ADRA1B: variants seen among roughly 807,000 people sequenced by gnomAD.
ADRA1B encodes the protein adrenoceptor alpha 1B.
In ADRA1B, 17 loss-of-function variants were observed where a neutral mutation model predicts 17.9. The ratio of observed to expected loss-of-function variants is 0.95; its 90% CI spans 0.65 to 1.42. ADRA1B has a LOEUF of 1.42. ADRA1B is among the 40% of genes most tolerant of loss of function. The pLI, the probability that ADRA1B is intolerant of heterozygous loss-of-function variation, is 0.00. For synonymous variants in ADRA1B, 366 were observed against 327.6 expected, an observed-to-expected ratio of 1.12 and a Z score of -1.27; for missense variants, 681 against 722.1, an observed-to-expected ratio of 0.94 and a Z score of 0.65.
At chr5:159,989,013 T>C in the ADRA1B span, among the ~76,000 whole-genome samples, 1 of 152,244 alleles carries the variant, frequency 6.6e-6, no homozygotes, top group African/African-American at 2.4e-5. Context: ...TTCAATTCTT[T>C]TGGATATATG....
chr5:159,971,836 A>T, intron 1 of ADRA1B, 43 bp from the exon 2 acceptor site: 1 of 1,307,158 alleles, frequency 7.7e-7, no homozygotes, highest in Non-Finnish European at 9.8e-7. Flanking sequence ...CTACTCACAA[A>T]TTGCTGTCTT....
the ADRA1B span, among the ~76,000 whole-genome samples, chr5:159,982,680 C>T: frequency 6.6e-6 from 1 of 152,136 alleles, no homozygotes; most frequent in African/African-American, 2.4e-5. Context: ...ACCTCTCATC[C>T]TCCTGCTCCT....
rs568709314 is a variant in ADRA1B, at chr5:159,951,515, A to G, written c.950-20364A>G. On this transcript the variant is annotated intron_variant, in intron 1 of 1. Coordinates refer to ENST00000306675, the MANE Select transcript of ADRA1B (RefSeq NM_000679.4). Reference sequence around the variant, plus strand: ...CTTCACCACGGTGTCTTGGGGATGCAGCTGGCAATGCACGAGAAGATGCAG... The same window carrying G: ...CTTCACCACGGTGTCTTGGGGATGCGGCTGGCAATGCACGAGAAGATGCAG... The G allele has an allele frequency of 8.0e-5, 53 of 659,330 alleles. No individual in the cohort carries two copies. The East Asian group carries it at 1.4e-3, about 18-fold the overall frequency. The allele number at this position is 659,330 out of a possible 1,614,324, so 40.8% of individuals were successfully genotyped here.
At chr5:159,886,363 T>G (rs1188978080) in intron 1 of ADRA1B, among the ~76,000 whole-genome samples, 1 of 152,174 alleles carries the variant, frequency 6.6e-6, no homozygotes, top group Non-Finnish European at 1.5e-5. Context: ...GAGAGACATG[T>G]GAATCTCCTG....
chr5:159,907,505 G>A (rs372242445), intron 1 of ADRA1B, among the ~76,000 whole-genome samples: 3 of 149,874 alleles, frequency 2.0e-5, no homozygotes, highest in Non-Finnish European at 4.4e-5. Context: ...ATTTATGTCA[G>A]AAAAAAAAAA....
At chr5:159,870,474 A>C (rs1380734303) in intron 1 of ADRA1B, 1 of 152,210 alleles carries the variant, frequency 6.6e-6, no homozygotes. Flanking sequence ...CCAACCATTC[A>C]TTCAATGATC....
At chr5:159,899,287 G>GGA (rs1754073804) in intron 1 of ADRA1B, among the ~76,000 whole-genome samples, 1 of 76,396 alleles carries the variant, frequency 1.3e-5, no homozygotes, top group Non-Finnish European at 3.4e-5. Flanking sequence ...AGGAAGGAAG[G>GGA]AAGGAAGGAA....
chr5:159,928,004 ATGAG>A (rs1754708350), intron 1 of ADRA1B, among the ~76,000 whole-genome samples: 1 of 152,216 alleles, frequency 6.6e-6, no homozygotes, highest in African/African-American at 2.4e-5. Flanking sequence ...CCGCGATGAC[ATGAG>A]TGAGTGGCTG....
upstream of ADRA1B, among the ~76,000 whole-genome samples, chr5:159,913,987 G>A (rs1163181823): frequency 6.6e-6 from 1 of 152,112 alleles, no homozygotes; most frequent in Non-Finnish European, 1.5e-5. Context: ...ACCAGCTCAA[G>A]AGAAGCCCCA....
At chr5:159,963,288 G>GTATATATATATATATATATATATATATA (rs10522262) in intron 1 of ADRA1B, among the ~76,000 whole-genome samples, 12 of 132,688 alleles carry the variant, frequency 9.0e-5, no homozygotes, top group African/African-American at 2.3e-4. Context: ...AACAAAAAAA[G>GTATATATATATATATATATATATATATA]TATATATATA....
Position 159,916,741 on chromosome 5 carries a change from G to T in ADRA1B, c.-165G>T. ...AGCGAGCGACTCGGTGCAGGCAGGA[G>T]ACGTGCTGCCGGGCTGGGCTGCCCG... On this transcript the variant is annotated 5_prime_UTR_variant, in exon 1 of 2. Coordinates refer to ENST00000306675, the MANE Select transcript of ADRA1B (RefSeq NM_000679.4). 3 of 643,846 alleles carry T rather than the reference G, an allele frequency of 4.7e-6. No individual in the cohort carries two copies. Among genetic ancestry groups the T allele is most frequent in the Middle Eastern group, 4.0e-4 (1 of 2,492 alleles). 39.9% of individuals were successfully genotyped at this position (643,846 alleles called of 1,614,324 possible).
chr5:159,906,581 A>G (rs555866160), intron 1 of ADRA1B, among the ~76,000 whole-genome samples: 50 of 152,352 alleles, frequency 3.3e-4, no homozygotes, highest in African/African-American at 1.1e-3. Flanking sequence ...CTTGCTCTAG[A>G]TGACTTTTAT....
chr5:159,902,596 C>A lies in ADRA1B; in HGVS notation c.-255-13523C>A, dbSNP rs537476844. On this transcript the variant is annotated intron_variant, in intron 1 of 2. Transcript: ENST00000641205. Reference sequence around the variant, plus strand: ...GGGGCCCTCCCACTCTTCAAGGCCCCACCCTGGGTGACATTTCCTGTTGCC... The same window carrying A: ...GGGGCCCTCCCACTCTTCAAGGCCCAACCCTGGGTGACATTTCCTGTTGCC... 3.9e-5 allele frequency among the ~76,000 whole-genome samples: 6 copies of A among 152,306 alleles called. No individual in the cohort carries two copies. The East Asian group carries it at 9.6e-4, about 24-fold the overall frequency.
At chr5:159,975,894 G>C (rs945527604), downstream of ADRA1B, among the ~76,000 whole-genome samples, 3 of 152,146 alleles carry the variant, frequency 2.0e-5, no homozygotes, top group African/African-American at 7.2e-5. Context: ...AGACTGCTGG[G>C]TCATTGTCAC....
At chr5:159,919,376 A>G (rs1368320442) in intron 1 of ADRA1B, among the ~76,000 whole-genome samples, 1 of 152,200 alleles carries the variant, frequency 6.6e-6, no homozygotes, top group Non-Finnish European at 1.5e-5. Context: ...TACAAAGATC[A>G]TGGTTGTACA....
In ADRA1B at chr5:159,972,386, G is replaced by A; in HGVS notation, c.1457G>A (p.Gly486Glu). ...FKLLTEPESP[G>E]TDGGASNGGC... ...CTCCTGACCGAGCCCGAGAGCCCCG[G>A]GACCGACGGCGGCGCCAGCAACGGA... Residue 486 changes from glycine to glutamate, a missense_variant, in exon 2 of 2, where the codon GGG becomes GAG. Transcript: ENST00000306675. 6.6e-7 allele frequency: 1 copy of A among 1,512,972 alleles called. No individual in the cohort carries two copies. The highest frequency in any genetic ancestry group is 8.8e-7 in the Non-Finnish European group (1 of 1,136,664). The allele number at this position is 1,512,972 out of a possible 1,614,324, so 93.7% of individuals were successfully genotyped here.
intron 1 of ADRA1B, among the ~76,000 whole-genome samples, chr5:159,882,576 G>A (rs1398940842): frequency 6.6e-6 from 1 of 152,166 alleles, no homozygotes; most frequent in African/African-American, 2.4e-5. Flanking sequence ...TTCTGACAAG[G>A]AAAACTGTCA....
intron 1 of ADRA1B, among the ~76,000 whole-genome samples, chr5:159,962,669 C>CT (rs113639158): frequency 0.075 from 9,345 of 124,770 alleles, 683 homozygotes; most frequent in African/African-American, 0.16. Flanking sequence ...TGTTTTTCAG[C>CT]TTTTTTTTTT....
At chr5:159,973,334 C>T (rs74361926), downstream of ADRA1B, among the ~76,000 whole-genome samples, 3,896 of 152,260 alleles carry the variant, frequency 0.026, 173 homozygotes, top group African/African-American at 0.089. Context: ...AATCCTCCTG[C>T]GGCTCCTTCC....
Sources: gnomAD v4.1 joint callset for allele counts (sites outside exome capture counted in the v4.1 genomes callset) on GRCh38, gnomAD v4.1.1 for gene constraint, MANE v1.5 for transcripts, NCBI Gene and HGNC (gene_info 2026-07-23, HGNC 2026-07-21) for gene names.